NPTX2: variants seen among roughly 807,000 people sequenced by gnomAD.
NPTX2 encodes neuronal pentraxin-2.
NPTX2 carries 23 observed loss-of-function variants against 38.1 expected under a neutral mutation model. The observed-to-expected ratio is 0.60, with a 90% confidence interval of 0.43 to 0.85. The LOEUF is 0.85. Among genes scored for constraint, NPTX2 ranks in the 40% least tolerant of loss-of-function variants. The pLI, the probability that NPTX2 is intolerant of heterozygous loss-of-function variation, is 0.00. For missense variants in NPTX2, 553 were observed against 615.3 expected (o/e 0.90, Z 1.07); for synonymous variants, 291 against 287.3 (o/e 1.01, Z -0.13).
Position 98,619,814 on chromosome 7 carries a change from A to G in NPTX2, c.598A>G (p.Ser200Gly), listed in dbSNP as rs1273647531. 6.2e-7 allele frequency: 1 copy of G among 1,613,924 alleles called. No homozygotes were observed. The highest frequency in any genetic ancestry group is 2.2e-5 in the East Asian group (1 of 44,870). The change falls in exon 2 of 5, where the codon AGC becomes GGC. Residue 200 changes from serine to glycine, a missense_variant. Coordinates refer to ENST00000265634, the MANE Select transcript of NPTX2 (RefSeq NM_002523.3). ...ETSAHRQKTE[S>G]TLNALLQRVT... Reference sequence around the variant, plus strand: ...CTCGGCTCACCGGCAGAAGACCGAGAGCACCCTGAACGCGCTGCTGCAGAG... The same window carrying G: ...CTCGGCTCACCGGCAGAAGACCGAGGGCACCCTGAACGCGCTGCTGCAGAG...
intron 2 of NPTX2, among the ~76,000 whole-genome samples, chr7:98,623,825 G>T (rs534920035): frequency 1.3e-5 from 2 of 152,286 alleles, no homozygotes; most frequent in African/African-American, 4.8e-5. Context: ...TAGATCCTGC[G>T]AAGATTTCAA....
In NPTX2 at chr7:98,617,470, G is replaced by C. The variant is rs917886109; in HGVS notation, c.9G>C (p.Ala3=). The change falls in exon 1 of 5, where the codon GCG becomes GCC. Residue 3 remains alanine, a synonymous_variant. Transcript: ENST00000265634. ML[A]LLAASVALAV... is the part of the protein sequence containing the mutation. Reference sequence around the variant, plus strand: ...GCGGCAGCGGCGGCGGGATGCTGGCGCTGCTGGCCGCCAGCGTGGCGCTCG... The same window carrying C: ...GCGGCAGCGGCGGCGGGATGCTGGCCCTGCTGGCCGCCAGCGTGGCGCTCG... The C allele has an allele frequency of 8.6e-7, 1 of 1,157,050 alleles. No homozygotes were observed. The highest frequency in any genetic ancestry group is 1.1e-6 in the Non-Finnish European group (1 of 920,888). The allele number at this position is 1,157,050 out of a possible 1,614,324, so 71.7% of individuals were successfully genotyped here.
intron 1 of NPTX2, among the ~76,000 whole-genome samples, chr7:98,619,364 A>G (rs1791233129): frequency 6.6e-6 from 1 of 152,232 alleles, no homozygotes; most frequent in Admixed American, 6.5e-5. Context: ...GGCGTTGGTT[A>G]GAATATTGAC....
chr7:98,619,801 G>T lies in NPTX2; in HGVS notation c.585G>T (p.Arg195=), dbSNP rs751732879. The T allele has an allele frequency of 2.0e-5, 33 of 1,613,786 alleles. No homozygotes were observed. The highest frequency in any genetic ancestry group is 2.5e-5 in the Non-Finnish European group (30 of 1,180,038). Residue 195 remains arginine, a synonymous_variant, in exon 2 of 5, where the codon CGG becomes CGT. Transcript: ENST00000265634. ...TGCACAATGAGACCTCGGCTCACCG[G>T]CAGAAGACCGAGAGCACCCTGAACG... The part of the protein sequence containing the change: ...SLLHNETSAH[R]QKTESTLNAL...
Position 98,619,661 on chromosome 7 carries a change from G to A in NPTX2, c.445G>A (p.Val149Met), listed in dbSNP as rs150623174. 4.0e-5 allele frequency: 64 copies of A among 1,613,096 alleles called. No individual in the cohort carries two copies. Among genetic ancestry groups the A allele is most frequent in the Non-Finnish European group, 3.2e-5 (38 of 1,179,980 alleles). The change falls in exon 2 of 5, where the codon GTG becomes ATG. Residue 149 changes from valine to methionine, a missense_variant. Val to Met is a conservative substitution (Grantham distance 21, BLOSUM62 1). Transcript: ENST00000265634. Reference protein sequence around the residue: ...ESLEHQLRANVSNAGLPGDFR... With the variant: ...ESLEHQLRANMSNAGLPGDFR... ...CTGAAAGCACCAGCTCAGAGCAAAC[G>A]TGTCCAATGCTGGGCTGCCCGGCGA...
chr7:98,624,832 G>T, intron 2 of NPTX2, 90 bp from the exon 3 acceptor site: 1 of 1,501,262 alleles, frequency 6.7e-7, no homozygotes, highest in Non-Finnish European at 9.0e-7. Context: ...GGACCTTCTT[G>T]TGGGTCTAGC....
rs920993280 is a variant in NPTX2 at position 98,617,668 on chromosome 7, C to A, written c.207C>A (p.Thr69=). ...CCGCGGTGCTGCAGCTGCGCGAGAC[C>A]GTCGTGCAGCAGAAGGAGACGCTGG... is the stretch of plus-strand genomic sequence containing the variant. The part of the protein sequence containing the change: ...LRAAVLQLRE[T]VVQQKETLGA... Residue 69 remains threonine, a synonymous_variant, in exon 1 of 5, where the codon ACC becomes ACA. Coordinates refer to ENST00000265634, the MANE Select transcript of NPTX2 (RefSeq NM_002523.3). 25 of 1,476,710 alleles carry A rather than the reference C, an allele frequency of 1.7e-5. No individual in the cohort carries two copies. Among genetic ancestry groups the A allele is most frequent in the Non-Finnish European group, 2.2e-5 (25 of 1,122,994 alleles). The allele number at this position is 1,476,710 out of a possible 1,614,324, so 91.5% of individuals were successfully genotyped here.
chr7:98,618,569 T>TCCCCCCCCCCCCCCCCC (rs145792464), intron 1 of NPTX2, among the ~76,000 whole-genome samples: 2 of 30,094 alleles, frequency 6.6e-5, no homozygotes, highest in Admixed American at 3.3e-4. Flanking sequence ...TCTCTCTCTC[T>TCCCCCCCCCCCCCCCCC]CCCCCCCTCC....
intron 2 of NPTX2, among the ~76,000 whole-genome samples, chr7:98,624,514 C>T (rs370550695): frequency 1.7e-4 from 26 of 152,138 alleles, no homozygotes; most frequent in African/African-American, 5.1e-4. Context: ...CTTTTCTGGG[C>T]GTCCTTGGGG....
At chr7:98,618,275 C>A (rs1791208582) in intron 1 of NPTX2, among the ~76,000 whole-genome samples, 1 of 152,152 alleles carries the variant, frequency 6.6e-6, no homozygotes, top group Non-Finnish European at 1.5e-5. Context: ...AGCCGGGATG[C>A]GCTCCCGCAG....
rs1263412934 is a variant in NPTX2 at position 98,617,671 on chromosome 7, C to A, written c.210C>A (p.Val70=). The A allele has an allele frequency of 8.1e-6, 12 of 1,475,986 alleles. 1 individual carries two copies. Among genetic ancestry groups the A allele is most frequent in the South Asian group, 3.9e-5 (3 of 77,172 alleles). 91.4% of individuals were successfully genotyped at this position (1,475,986 alleles called of 1,614,324 possible). The change falls in exon 1 of 5, where the codon GTC becomes GTA. Residue 70 remains valine (V), a synonymous_variant. Coordinates refer to ENST00000265634, the MANE Select transcript of NPTX2 (RefSeq NM_002523.3). ...RAAVLQLRET[V]VQQKETLGAQ... is the part of the protein sequence containing the mutation. ...CGGTGCTGCAGCTGCGCGAGACCGTCGTGCAGCAGAAGGAGACGCTGGGCG... is the reference window on the plus strand; with the variant it reads ...CGGTGCTGCAGCTGCGCGAGACCGTAGTGCAGCAGAAGGAGACGCTGGGCG...
intron 3 of NPTX2, among the ~76,000 whole-genome samples, chr7:98,625,727 T>C (rs1368267335): frequency 6.6e-6 from 1 of 151,434 alleles, no homozygotes; most frequent in Non-Finnish European, 1.5e-5. Flanking sequence ...TACCCCTTCA[T>C]AGTTAACTCT....
In NPTX2 at chr7:98,618,264, G is replaced by A. The variant is rs566710082; in HGVS notation, c.426+377G>A. Among the ~76,000 whole-genome samples, 735 of 152,252 alleles carry A rather than the reference G, an allele frequency of 4.8e-3. 7 individuals carry two copies. The highest frequency in any genetic ancestry group is 0.017 in the African/African-American group (696 of 41,562). On this transcript the variant is annotated intron_variant, in intron 1 of 4. Transcript: ENST00000265634. Reference sequence around the variant, plus strand: ...CTCTTGCAAATCTCCAAATCTCCGCGAGCCGGGATGCGCTCCCGCAGGCCG... The same window carrying A: ...CTCTTGCAAATCTCCAAATCTCCGCAAGCCGGGATGCGCTCCCGCAGGCCG...
Position 98,617,601 on chromosome 7 carries a change from C to T in NPTX2, c.140C>T (p.Pro47Leu). Reference sequence around the variant, plus strand: ...GCCGGCTGCCCGCTGCCCGCGATGCCCATGCAGGGCGGCGCGCAGAGTCCC... The same window carrying T: ...GCCGGCTGCCCGCTGCCCGCGATGCTCATGCAGGGCGGCGCGCAGAGTCCC... ...VHAGCPLPAM[P>L]MQGGAQSPEE... Residue 47 changes from proline to leucine, a missense_variant, in exon 1 of 5, where the codon CCC becomes CTC. Physicochemically the swap from Pro to Leu is moderately conservative, Grantham distance 98. Transcript: ENST00000265634. 6.7e-7 allele frequency: 1 copy of T among 1,488,302 alleles called. No homozygotes were observed. The highest frequency in any genetic ancestry group is 8.9e-7 in the Non-Finnish European group (1 of 1,126,740). The allele number at this position is 1,488,302 out of a possible 1,614,324, so 92.2% of individuals were successfully genotyped here.
At chr7:98,627,378 T>C (rs425318) in intron 4 of NPTX2, 34 bp downstream of exon 4, 2 of 1,594,000 alleles carry the variant, frequency 1.3e-6, no homozygotes, top group South Asian at 1.1e-5. Context: ...GGGCACAGGG[T>C]GGGTGCAGGA....
rs925371504 is a variant in NPTX2, at chr7:98,617,420, C to A, written c.-42C>A. ...CCTCCCGCGGAGCGCCCCGACGGCG[C>A]CCGCTCGCCCATGCCGAGCTGAGCG... On this transcript the variant is annotated 5_prime_UTR_variant, in exon 1 of 5. Coordinates refer to ENST00000265634, the MANE Select transcript of NPTX2 (RefSeq NM_002523.3). 16 of 683,694 alleles carry A rather than the reference C, an allele frequency of 2.3e-5. No homozygotes were observed. Among genetic ancestry groups the A allele is most frequent in the African/African-American group, 3.8e-5 (2 of 52,676 alleles). 42.4% of individuals were successfully genotyped at this position (683,694 alleles called of 1,614,324 possible).
chr7:98,627,122 G>A, intron 3 of NPTX2, 43 bp from the exon 4 acceptor site: 6 of 1,471,702 alleles, frequency 4.1e-6, no homozygotes, highest in African/African-American at 1.4e-5. Flanking sequence ...GACCCTGAGG[G>A]CGTGGGCCCA....
chr7:98,618,574 C>CG (rs1791217399), intron 1 of NPTX2, among the ~76,000 whole-genome samples: 1 of 60,276 alleles, frequency 1.7e-5, no homozygotes, highest in African/African-American at 8.3e-5. Context: ...CTCTCTCCCC[C>CG]CCTCCCCCCC....
chr7:98,625,603 G>C (rs1791335648), intron 3 of NPTX2, among the ~76,000 whole-genome samples: 1 of 152,120 alleles, frequency 6.6e-6, no homozygotes, highest in Admixed American at 6.6e-5. Context: ...ATACAGCAAA[G>C]TGTACCCATT....
Sources: gnomAD v4.1 joint callset for allele counts (sites outside exome capture counted in the v4.1 genomes callset) on GRCh38, gnomAD v4.1.1 for gene constraint, MANE v1.5 for transcripts, NCBI Gene and HGNC (gene_info 2026-07-23, HGNC 2026-07-21) for gene names.